Variants in ACSM2A observed in about 807,000 individuals in gnomAD.
ACSM2A encodes acyl-CoA synthetase medium chain family member 2A, also known as acyl-coenzyme A synthetase ACSM2A, mitochondrial.
ACSM2A carries 72 observed loss-of-function variants against 76.6 expected under a neutral mutation model. The ratio of observed to expected loss-of-function variants is 0.94; its 90% CI spans 0.78 to 1.14. The LOEUF (loss-of-function observed/expected upper bound fraction) is 1.14. Ranked by LOEUF, ACSM2A falls within the 50% of genes most tolerant of loss-of-function variation. ACSM2A has a pLI of 0.00. For missense variants in ACSM2A, 684 were observed against 708.5 expected (o/e 0.97, Z 0.39); for synonymous variants, 249 against 255.9 (o/e 0.97, Z 0.26).
At chr16:20,477,145 G>A in intron 8 of ACSM2A, 3 of 654,630 alleles carry the variant, frequency 4.6e-6, no homozygotes, top group South Asian at 4.9e-5. Context: ...TCCTCTTCCT[G>A]GGGAGTGGTA....
intron 12 of ACSM2A, 32 bp from the exon 13 acceptor site, chr16:20,483,026 T>A: frequency 6.2e-7 from 1 of 1,612,008 alleles, no homozygotes; most frequent in South Asian, 1.1e-5. Context: ...CACACTCTAA[T>A]CCCTTCTCTC....
Position 20,475,781 on chromosome 16 carries a change from T to C in ACSM2A, c.1098+8T>C, listed in dbSNP as rs1259599574. 24 of 1,613,332 alleles carry C rather than the reference T, an allele frequency of 1.5e-5. No individual in the cohort carries two copies. Among genetic ancestry groups the C allele is most frequent in the African/African-American group, 2.7e-5 (2 of 74,876 alleles). ...TATGGCCAGACAGAAACGGTACCTG[T>C]TCCCAGGGGAACCATGGGCTGTGTG... is the stretch of plus-strand genomic sequence containing the variant. On this transcript the variant is annotated splice_region_variant and intron_variant, in intron 8 of 13. Transcript: ENST00000573854.
intron 2 of ACSM2A, 31 bp from the exon 3 acceptor site, chr16:20,465,486 C>T (rs1312562764): frequency 1.9e-6 from 3 of 1,611,760 alleles, no homozygotes; most frequent in Non-Finnish European, 2.5e-6. Context: ...GTACCAATGC[C>T]CCCTGATCAA....
At chr16:20,458,917 TATATATATATATATAC>T (rs1567356950) in intron 1 of ACSM2A, among the ~76,000 whole-genome samples, 3 of 62,472 alleles carry the variant, frequency 4.8e-5, no homozygotes, top group South Asian at 5.9e-4. Flanking sequence ...TATATATATA[TATATATATATATATAC>T]ATATATATAT....
intron 8 of ACSM2A, 29 bp downstream of exon 8, chr16:20,475,802 G>T (rs2141742274): frequency 6.2e-7 from 1 of 1,608,646 alleles, no homozygotes; most frequent in Non-Finnish European, 8.5e-7. Flanking sequence ...ACCATGGGCT[G>T]TGTGCACTTT....
intron 1 of ACSM2A, among the ~76,000 whole-genome samples, chr16:20,453,028 C>A (rs7194098): frequency 6.6e-6 from 1 of 151,458 alleles, no homozygotes; most frequent in African/African-American, 2.4e-5. Context: ...TCTATCTCAC[C>A]GCTTCAGAAG....
chr16:20,469,886 T>G (rs7189473), intron 4 of ACSM2A, among the ~76,000 whole-genome samples, 167 bp downstream of exon 4: 2 of 150,536 alleles, frequency 1.3e-5, no homozygotes, highest in African/African-American at 2.5e-5. Context: ...TTTTTTTTTT[T>G]TTTTTTTTTT....
intron 2 of ACSM2A, 22 bp from the exon 3 acceptor site, chr16:20,465,495 A>T (rs774837034): frequency 6.2e-7 from 1 of 1,613,154 alleles, no homozygotes; most frequent in African/African-American, 1.3e-5. Flanking sequence ...CCCCCTGATC[A>T]ACAGGGCTTC....
At chr16:20,482,835 C>G in intron 12 of ACSM2A, 1 of 524,830 alleles carries the variant, frequency 1.9e-6, no homozygotes, top group Non-Finnish European at 3.2e-6. Context: ...TGAGGTGAGC[C>G]TAGTCTCAAT....
Position 20,460,308 on chromosome 16 carries a change from G to A in ACSM2A, c.177+17G>A, listed in dbSNP as rs752225299. The A allele has an allele frequency of 1.9e-6, 3 of 1,613,454 alleles. No individual in the cohort carries two copies. Among genetic ancestry groups the A allele is most frequent in the Non-Finnish European group, 2.5e-6 (3 of 1,179,656 alleles). ...ATGGAGAAGGTAATGGGGTGGAAAA[G>A]AGGCACAGAGTGAGACAATTTTGTT... On this transcript the variant is annotated intron_variant, in intron 2 of 13. Coordinates refer to ENST00000573854, the MANE Select transcript of ACSM2A (RefSeq NM_001308172.2).
chr16:20,480,331 C>A (rs1273040336), intron 10 of ACSM2A, among the ~76,000 whole-genome samples: 2 of 152,210 alleles, frequency 1.3e-5, no homozygotes, highest in African/African-American at 4.8e-5. Context: ...TCAATAATAT[C>A]TATCAGACTG....
At position 20,478,600 on chromosome 16, in the gene ACSM2A, C is replaced by G. The variant is rs755470688; in HGVS notation, c.1204C>G (p.Leu402Val). ...VQIIDDKGNVLPPGTEGDIGI... is the reference protein window; with the variant it reads ...VQIIDDKGNVVPPGTEGDIGI... ...GATCATAGATGATAAGGGCAACGTCCTGCCCCCCGGCACAGAAGGAGACAT... is the reference window on the plus strand; with the variant it reads ...GATCATAGATGATAAGGGCAACGTCGTGCCCCCCGGCACAGAAGGAGACAT... Residue 402 changes from leucine (L) to valine (V), a missense_variant, in exon 10 of 14, where the codon CTG (leucine) becomes GTG (valine). By Grantham distance (32) the Leu-to-Val change is conservative. Transcript: ENST00000573854. The G allele has an allele frequency of 6.2e-7, 1 of 1,613,920 alleles. No individual in the cohort carries two copies.
intron 4 of ACSM2A, chr16:20,470,698 C>G (rs2013334617): frequency 2.4e-6 from 1 of 423,064 alleles, no homozygotes; most frequent in Non-Finnish European, 4.7e-6. Context: ...CACTTGGTGT[C>G]ATGCCAGAGC....
chr16:20,471,257 T>A (rs1383291665), intron 5 of ACSM2A, 41 bp downstream of exon 5: 16 of 1,595,534 alleles, frequency 1.0e-5, no homozygotes, highest in Non-Finnish European at 1.4e-5. Flanking sequence ...TTACATGAGT[T>A]TTGGAGTTAG....
Position 20,483,021 on chromosome 16 carries a change from T to C in ACSM2A, c.1510-37T>C, listed in dbSNP as rs762952810. 2.0e-5 allele frequency: 33 copies of C among 1,611,538 alleles called. 1 individual carries two copies. The South Asian group carries it at 3.4e-4, about 17-fold the overall frequency. On this transcript the variant is annotated intron_variant, in intron 12 of 13. Transcript: ENST00000573854. ...ATTATTCCAGGAGATGACTACACACTCTAATCCCTTCTCTCTGGCCTTCAT... is the reference window on the plus strand; with the variant it reads ...ATTATTCCAGGAGATGACTACACACCCTAATCCCTTCTCTCTGGCCTTCAT...
intron 1 of ACSM2A, chr16:20,453,653 G>C (rs530051808): frequency 4.8e-5 from 6 of 126,294 alleles, no homozygotes; most frequent in Admixed American, 7.6e-5. Flanking sequence ...CTGCGGGGTC[G>C]GGCAGAATAG....
chr16:20,477,860 C>G (rs969849900), intron 9 of ACSM2A, among the ~76,000 whole-genome samples: 9 of 152,202 alleles, frequency 5.9e-5, no homozygotes, highest in Non-Finnish European at 1.3e-4. Flanking sequence ...TATATATCCA[C>G]TGCTGTTTAT....
chr16:20,459,376 A>AT (rs2012463045), intron 1 of ACSM2A, among the ~76,000 whole-genome samples: 1 of 152,194 alleles, frequency 6.6e-6, no homozygotes, highest in Admixed American at 6.5e-5. Context: ...ATCAGTCCAG[A>AT]TTCACTTTAA....
rs762170285 is a variant in ACSM2A, at chr16:20,469,693, G to A, written c.570G>A (p.Gly190=). The stretch of plus-strand genomic sequence containing the variant: ...TGGTGTCTGAGAAAAGCTGTGATGG[G>A]TGGCTGAACTTCAAGAAACTACTAA... ...KLLVSEKSCD[G]WLNFKKLLNE... Residue 190 remains glycine, a synonymous_variant, in exon 4 of 14, where the codon GGG becomes GGA. Transcript: ENST00000573854. 2 of 1,613,790 alleles carry A rather than the reference G, an allele frequency of 1.2e-6. No homozygotes were observed. Among genetic ancestry groups the A allele is most frequent in the South Asian group, 2.2e-5 (2 of 91,048 alleles).
Sources: gnomAD v4.1 joint callset for allele counts (sites outside exome capture counted in the v4.1 genomes callset) on GRCh38, gnomAD v4.1.1 for gene constraint, MANE v1.5 for transcripts, NCBI Gene and HGNC (gene_info 2026-07-23, HGNC 2026-07-21) for gene names.